NUP98: variants seen among roughly 807,000 people sequenced by gnomAD.
NUP98 encodes the protein nuclear pore complex protein Nup98-Nup96.
NUP98 carries 26 observed loss-of-function variants against 191.9 expected under a neutral mutation model. The ratio of observed to expected loss-of-function variants is 0.14; its 90% CI spans 0.10 to 0.19. The LOEUF is 0.19. NUP98 is among the 10% of genes least tolerant of loss of function. The probability of loss-of-function intolerance (pLI) is 1.00; values close to 1 mark genes in which losing one functional copy is unlikely to be tolerated. For missense variants in NUP98, 1,941 were observed against 2,178.8 expected (o/e 0.89, Z 2.17); for synonymous variants, 808 against 778.4 (o/e 1.04, Z -0.63).
At chr11:3,726,246 A>G (rs1436452845) in intron 14 of NUP98, among the ~76,000 whole-genome samples, 8 of 152,154 alleles carry the variant, frequency 5.3e-5, no homozygotes, top group Non-Finnish European at 7.4e-5. Context: ...GAAAATTTAC[A>G]TATTTAAATG....
intron 18 of NUP98, 85 bp from the exon 19 acceptor site, chr11:3,714,080 G>A: frequency 2.4e-6 from 3 of 1,249,114 alleles, no homozygotes; most frequent in Non-Finnish European, 3.5e-6. Context: ...CACATAAATA[G>A]TGAATAATGG....
chr11:3,786,892 G>A lies in NUP98; in HGVS notation c.-28-4747C>T, dbSNP rs149643177. On this transcript the variant is annotated intron_variant, in intron 1 of 32. Coordinates refer to ENST00000324932, the MANE Select transcript of NUP98 (RefSeq NM_016320.5). ...TTCCAATTTGCTGCTAACTCCAGAC[G>A]TAAATGGGAAGTAGTTTTTTCCTTT... Among the ~76,000 whole-genome samples the A allele has an allele frequency of 7.9e-5, 12 of 152,324 alleles. No individual in the cohort carries two copies. The East Asian group carries it at 9.6e-4, about 12-fold the overall frequency.
intron 1 of NUP98, among the ~76,000 whole-genome samples, chr11:3,796,294 GCTTT>G (rs563739233): frequency 6.0e-4 from 92 of 152,222 alleles, no homozygotes; most frequent in Non-Finnish European, 9.6e-4. Context: ...CTCCTACCTG[GCTTT>G]CTAAGTCTTA....
intron 4 of NUP98, among the ~76,000 whole-genome samples, chr11:3,776,399 A>C (rs531602363): frequency 6.6e-6 from 1 of 152,246 alleles, no homozygotes; most frequent in Admixed American, 6.5e-5. Context: ...TGTTGGGATT[A>C]CAGGTGTGAG....
intron 3 of NUP98, 21 bp from the exon 4 acceptor site, chr11:3,779,070 G>A (rs368249949): frequency 6.2e-7 from 1 of 1,613,644 alleles, no homozygotes; most frequent in Non-Finnish European, 8.5e-7. Flanking sequence ...GGAGAAGGAG[G>A]GAAAAAGTTA....
chr11:3,712,750 C>T, intron 19 of NUP98, 22 bp from the exon 20 acceptor site: 2 of 1,608,024 alleles, frequency 1.2e-6, no homozygotes, highest in Non-Finnish European at 1.7e-6. Flanking sequence ...AAGAACCCCA[C>T]AAAACAACTT....
At chr11:3,704,816 G>GA (rs1222995467) in intron 22 of NUP98, among the ~76,000 whole-genome samples, 1 of 152,092 alleles carries the variant, frequency 6.6e-6, no homozygotes, top group Non-Finnish European at 1.5e-5. Context: ...GACCAGCCTG[G>GA]GGCAAGATAG....
intron 1 of NUP98, among the ~76,000 whole-genome samples, chr11:3,789,941 T>C (rs937386152): frequency 6.6e-6 from 1 of 152,030 alleles, no homozygotes; most frequent in Non-Finnish European, 1.5e-5. Context: ...CCCACCACTA[T>C]ACCGGGTTAA....
chr11:3,708,087 A>G (rs1411280198), intron 20 of NUP98, among the ~76,000 whole-genome samples: 1 of 152,124 alleles, frequency 6.6e-6, no homozygotes, highest in Admixed American at 6.6e-5. Context: ...GGTGAGAGTT[A>G]AACTCCCATC....
intron 28 of NUP98, among the ~76,000 whole-genome samples, chr11:3,687,420 T>C (rs1372573146): frequency 6.6e-6 from 1 of 152,250 alleles, no homozygotes; most frequent in Non-Finnish European, 1.5e-5. Context: ...TTTTCTCTTA[T>C]GAATTGTGTT....
intron 6 of NUP98, 150 bp downstream of exon 6, chr11:3,773,482 G>T: frequency 2.1e-6 from 1 of 470,526 alleles, no homozygotes; most frequent in Non-Finnish European, 3.8e-6. Flanking sequence ...AATAATACTT[G>T]ATTTTTAAAA....
chr11:3,712,358 C>A, intron 20 of NUP98: 1 of 1,375,296 alleles, frequency 7.3e-7, no homozygotes, highest in Admixed American at 3.3e-5. Flanking sequence ...ATCCAAACAG[C>A]AAGAGAATTC....
At chr11:3,733,051 C>T (rs2079904304) in intron 13 of NUP98, among the ~76,000 whole-genome samples, 1 of 152,164 alleles carries the variant, frequency 6.6e-6, no homozygotes, top group African/African-American at 2.4e-5. Context: ...TTAAGATAAA[C>T]CTCATGTGAC....
At chr11:3,727,662 G>A (rs541666099) in intron 14 of NUP98, among the ~76,000 whole-genome samples, 1 of 152,174 alleles carries the variant, frequency 6.6e-6, no homozygotes, top group East Asian at 1.9e-4. Flanking sequence ...AGGAGTTCAA[G>A]ACAAGCCTGA....
chr11:3,761,487 T>G (rs1476722488), intron 9 of NUP98, among the ~76,000 whole-genome samples: 5 of 151,704 alleles, frequency 3.3e-5, no homozygotes. Flanking sequence ...AGGCCAGGAG[T>G]GGTGGCTCAC....
chr11:3,754,941 CAAAAA>C (rs34606573), intron 10 of NUP98, among the ~76,000 whole-genome samples: 18 of 66,234 alleles, frequency 2.7e-4, no homozygotes, highest in African/African-American at 9.1e-4. Flanking sequence ...GACACTATCT[CAAAAA>C]AAAAAAAAAA....
At chr11:3,717,593 G>C (rs1316902249) in intron 18 of NUP98, among the ~76,000 whole-genome samples, 2 of 151,886 alleles carry the variant, frequency 1.3e-5, no homozygotes, top group Non-Finnish European at 2.9e-5. Flanking sequence ...GCATCTTTAG[G>C]GATTTCTACA....
At chr11:3,723,064 A>C (rs1253118210) in intron 16 of NUP98, 93 bp downstream of exon 16, 2 of 1,211,318 alleles carry the variant, frequency 1.7e-6, no homozygotes, top group Admixed American at 4.1e-5. Context: ...TTAAAATGCC[A>C]AACAGCTGAC....
At chr11:3,744,760 C>G (rs2080429333) in intron 11 of NUP98, 111 bp from the exon 12 acceptor site, 1 of 1,227,264 alleles carries the variant, frequency 8.1e-7, no homozygotes. Flanking sequence ...AGTGACCACT[C>G]ATTTCAACAA....
Sources: allele counts gnomAD v4.1 joint callset (sites outside exome capture counted in the v4.1 genomes callset), GRCh38; gene constraint gnomAD v4.1.1; transcripts MANE v1.5; gene names NCBI Gene and HGNC (gene_info 2026-07-23, HGNC 2026-07-21).